The following TRPM6 variants were observed in gnomAD, a reference collection of about 807,000 sequenced individuals.
TRPM6 encodes the protein channel kinase 2.
Under a neutral mutation model 247.6 loss-of-function variants are expected in TRPM6, and 111 were observed. The observed-to-expected ratio is 0.45, with a 90% confidence interval of 0.38 to 0.52. The LOEUF (loss-of-function observed/expected upper bound fraction) is 0.52, where lower values mean the gene tolerates loss of function less well. Ranked by LOEUF, TRPM6 falls within the 20% of genes least tolerant of loss-of-function variation. TRPM6 has a pLI of 0.00. For synonymous variants in TRPM6, 892 were observed against 853.8 expected, an observed-to-expected ratio of 1.04 and a Z score of -0.78; for missense variants, 2,126 against 2,421.5, an observed-to-expected ratio of 0.88 and a Z score of 2.56.
intron 3 of TRPM6, among the ~76,000 whole-genome samples, chr9:74,849,290 G>A (rs892392100): frequency 1.3e-5 from 2 of 148,958 alleles, no homozygotes; most frequent in African/African-American, 5.0e-5. Context: ...GGCGGAGGTT[G>A]CAGTGAACTG....
intron 1 of TRPM6, among the ~76,000 whole-genome samples, chr9:74,880,750 TA>T (rs1831335151): frequency 6.6e-6 from 1 of 151,994 alleles, no homozygotes; most frequent in African/African-American, 2.4e-5. Context: ...CACGAAAGTA[TA>T]AAACCCACTA....
In TRPM6 at chr9:74,842,125, A is replaced by G. The variant is rs767850597; in HGVS notation, c.330+41T>C. 17 of 1,611,298 alleles carry G rather than the reference A, an allele frequency of 1.1e-5. No homozygotes were observed. In the African/African-American group the frequency reaches 1.7e-4, roughly 17 times the overall value. On this transcript the variant is annotated intron_variant, in intron 4 of 38. Coordinates refer to ENST00000360774, the MANE Select transcript of TRPM6 (RefSeq NM_017662.5). The stretch of plus-strand genomic sequence containing the variant: ...AAACCCCGTCTCGAAAAAAAAAAAA[A>G]AAGAAAGAAACCAGCAAAACAATTT...
chr9:74,804,956 A>G (rs1032512132), intron 14 of TRPM6, among the ~76,000 whole-genome samples: 15 of 152,250 alleles, frequency 9.9e-5, no homozygotes, highest in Admixed American at 5.2e-4. Context: ...ATAGAAAAAT[A>G]ATAAAAATTT....
chr9:74,820,543 C>T (rs1829101888), intron 8 of TRPM6, 116 bp from the exon 9 acceptor site: 1 of 1,306,512 alleles, frequency 7.7e-7, no homozygotes, highest in African/African-American at 1.5e-5. Flanking sequence ...ATGGACAGTT[C>T]TGCCAGAAGA....
chr9:74,811,988 G>T (rs1176116128), intron 12 of TRPM6, among the ~76,000 whole-genome samples: 3 of 152,180 alleles, frequency 2.0e-5, no homozygotes, highest in African/African-American at 7.2e-5. Flanking sequence ...GAGCTTAAGG[G>T]TAATTTGAAC....
intron 3 of TRPM6, among the ~76,000 whole-genome samples, chr9:74,847,695 A>T (rs918452687): frequency 2.6e-5 from 4 of 152,006 alleles, no homozygotes; most frequent in African/African-American, 9.7e-5. Context: ...AGTCATATAT[A>T]TATAGTCATA....
chr9:74,880,995 G>GA (rs139525215), intron 1 of TRPM6, among the ~76,000 whole-genome samples: 8 of 152,114 alleles, frequency 5.3e-5, no homozygotes, highest in Admixed American at 3.9e-4. Flanking sequence ...GAATGGATTG[G>GA]AAAAAAACAA....
At position 74,724,636 on chromosome 9, in the gene TRPM6, G is replaced by C. The variant is rs1587440674; in HGVS notation, c.6046C>G (p.Pro2016Ala). The C allele has an allele frequency of 6.2e-7, 1 of 1,614,112 alleles. No homozygotes were observed. The highest frequency in any genetic ancestry group is 8.5e-7 in the Non-Finnish European group (1 of 1,180,008). Residue 2016 changes from proline to alanine, a missense_variant, in exon 39 of 39, where the codon CCA becomes GCA. Pro to Ala is a conservative substitution (Grantham distance 27, BLOSUM62 -1). Transcript: ENST00000360774. ...TTTTATAGTTGCATATCATCTTCTG[G>C]GGAATTTCTACCCGTCTCCCTTGCT... ...PPARETGRNS[P>A]EDDMQL
At chr9:74,756,267 A>G (rs1826426204) in intron 27 of TRPM6, among the ~76,000 whole-genome samples, 1 of 152,130 alleles carries the variant, frequency 6.6e-6, no homozygotes, top group Non-Finnish European at 1.5e-5. Flanking sequence ...AATTGTCTCA[A>G]TACTAATCTC....
chr9:74,880,147 A>T (rs1337172984), intron 1 of TRPM6, among the ~76,000 whole-genome samples: 1 of 152,188 alleles, frequency 6.6e-6, no homozygotes, highest in Non-Finnish European at 1.5e-5. Context: ...TTCCTGACAC[A>T]GACAAAAATA....
intron 1 of TRPM6, among the ~76,000 whole-genome samples, chr9:74,865,845 C>T (rs958612065): frequency 2.0e-5 from 3 of 152,302 alleles, no homozygotes; most frequent in African/African-American, 7.2e-5. Context: ...GATCACAGCA[C>T]ACTGTGGCCT....
intron 7 of TRPM6, among the ~76,000 whole-genome samples, chr9:74,823,183 C>T (rs545025882): frequency 2.0e-5 from 3 of 152,284 alleles, no homozygotes; most frequent in Non-Finnish European, 2.9e-5. Context: ...TTTTCAGGGG[C>T]GCACACTGGC....
At chr9:74,806,753 A>C (rs1032901412) in intron 14 of TRPM6, among the ~76,000 whole-genome samples, 1 of 152,238 alleles carries the variant, frequency 6.6e-6, no homozygotes, top group East Asian at 1.9e-4. Context: ...TTACACAGCT[A>C]CTAAAGAGCA....
At chr9:74,751,146 T>C (rs1293386820) in intron 29 of TRPM6, among the ~76,000 whole-genome samples, 1 of 152,218 alleles carries the variant, frequency 6.6e-6, no homozygotes, top group Non-Finnish European at 1.5e-5. Flanking sequence ...GAAAAGATTC[T>C]CATCTCAGGT....
At chr9:74,770,309 A>C (rs1016448258) in intron 25 of TRPM6, among the ~76,000 whole-genome samples, 10 of 152,200 alleles carry the variant, frequency 6.6e-5, no homozygotes, top group Admixed American at 2.0e-4. Flanking sequence ...ATTAGATATA[A>C]TACATCATAG....
chr9:74,849,153 C>T (rs993053086), intron 3 of TRPM6, among the ~76,000 whole-genome samples: 4 of 152,016 alleles, frequency 2.6e-5, no homozygotes, highest in African/African-American at 7.2e-5. Context: ...AGTTCGAGAC[C>T]AACCTGGCCA....
At chr9:74,741,351 G>T (rs1825857850) in intron 33 of TRPM6, among the ~76,000 whole-genome samples, 1 of 151,084 alleles carries the variant, frequency 6.6e-6, no homozygotes, top group Non-Finnish European at 1.5e-5. Context: ...ATATATATAT[G>T]AACACGGTAC....
intron 6 of TRPM6, among the ~76,000 whole-genome samples, chr9:74,828,181 A>G (rs892715790): frequency 3.3e-5 from 5 of 151,566 alleles, no homozygotes; most frequent in Non-Finnish European, 5.9e-5. Context: ...GTGAAACCCC[A>G]TCTCTACTAA....
chr9:74,855,469 G>C, intron 3 of TRPM6, 58 bp downstream of exon 3: 1 of 1,180,346 alleles, frequency 8.5e-7, no homozygotes. Flanking sequence ...AACTGTCCCA[G>C]TGAATTTTAA....
Sources: gnomAD v4.1 joint callset for allele counts (sites outside exome capture counted in the v4.1 genomes callset) on GRCh38, gnomAD v4.1.1 for gene constraint, MANE v1.5 for transcripts, NCBI Gene and HGNC (gene_info 2026-07-23, HGNC 2026-07-21) for gene names.